EEPD1: variants seen among roughly 807,000 people sequenced by gnomAD.
The protein encoded by EEPD1 is endonuclease/exonuclease/phosphatase family domain-containing protein 1.
In EEPD1, 17 loss-of-function variants were observed where a neutral mutation model predicts 46.3. The observed-to-expected ratio is 0.37, with a 90% CI of 0.25 to 0.55. The LOEUF (loss-of-function observed/expected upper bound fraction) is 0.55, where lower values mean the gene tolerates loss of function less well. Ranked by LOEUF, EEPD1 falls within the 20% of genes least tolerant of loss-of-function variation. The probability of loss-of-function intolerance (pLI) is 0.83; values close to 1 mark genes in which losing one functional copy is unlikely to be tolerated. For synonymous variants in EEPD1, 313 were observed against 315.6 expected (o/e 0.99, Z 0.09); for missense variants, 673 against 745.6 (o/e 0.90, Z 1.13).
chr7:36,179,568 T>TA (rs1055014790), intron 2 of EEPD1, among the ~76,000 whole-genome samples: 4 of 148,226 alleles, frequency 2.7e-5, no homozygotes, highest in South Asian at 4.4e-4. Context: ...GTCTTAAAAA[T>TA]AAAAAAAAGA....
intron 2 of EEPD1, among the ~76,000 whole-genome samples, chr7:36,202,959 C>T (rs1266976208): frequency 1.3e-5 from 2 of 152,186 alleles, no homozygotes; most frequent in African/African-American, 2.4e-5. Flanking sequence ...ACAGGCAGGG[C>T]GGAGGTCATG....
chr7:36,200,829 A>T (rs1386277396), intron 2 of EEPD1, among the ~76,000 whole-genome samples: 1 of 152,212 alleles, frequency 6.6e-6, no homozygotes, highest in Admixed American at 6.5e-5. Flanking sequence ...AGTAGCTCTC[A>T]AACATGAGCA....
intron 6 of EEPD1, among the ~76,000 whole-genome samples, chr7:36,296,694 C>CTTTTTTTTTTTTTTT (rs60706978): frequency 2.4e-5 from 2 of 83,154 alleles, no homozygotes; most frequent in Admixed American, 1.5e-4. Flanking sequence ...ACCCTTAGGT[C>CTTTTTTTTTTTTTTT]TTTTTTTTTT....
intron 3 of EEPD1, among the ~76,000 whole-genome samples, chr7:36,248,935 C>G (rs1196265764): frequency 6.7e-6 from 1 of 149,828 alleles, no homozygotes; most frequent in Non-Finnish European, 1.5e-5. Flanking sequence ...CCACCCAGGA[C>G]CTCGCTGCCG....
intron 2 of EEPD1, among the ~76,000 whole-genome samples, chr7:36,207,322 G>A (rs1294937041): frequency 3.3e-5 from 5 of 152,182 alleles, no homozygotes; most frequent in Non-Finnish European, 7.3e-5. Flanking sequence ...TCAAAGGAGG[G>A]ATATTTGATT....
chr7:36,280,753 T>C (rs930790490), intron 3 of EEPD1, among the ~76,000 whole-genome samples: 1 of 152,232 alleles, frequency 6.6e-6, no homozygotes, highest in Non-Finnish European at 1.5e-5. Context: ...GATTTGACGC[T>C]GATCCAGATC....
chr7:36,263,565 G>A (rs917608705), intron 3 of EEPD1, among the ~76,000 whole-genome samples: 2 of 152,148 alleles, frequency 1.3e-5, no homozygotes, highest in African/African-American at 4.8e-5. Context: ...GGATCTTCAG[G>A]GGTCAGAAGT....
chr7:36,173,015 T>C (rs974988875), intron 2 of EEPD1, among the ~76,000 whole-genome samples: 1 of 152,102 alleles, frequency 6.6e-6, no homozygotes, highest in Non-Finnish European at 1.5e-5. Context: ...ACCCAGCTAG[T>C]GTCTGATGCT....
rs181068856 is a variant in EEPD1, at chr7:36,163,609, G to A, written c.878+8407G>A. On this transcript the variant is annotated intron_variant, in intron 2 of 7. Transcript: ENST00000242108. ...AGCTCTTCTGTTCAGGCTGGGCGCG[G>A]TGGCTCATGCCTGTAATCCCAGCAC... Among the ~76,000 whole-genome samples, 288 of 152,332 alleles carry A rather than the reference G, an allele frequency of 1.9e-3. 2 individuals are homozygous for A. Among genetic ancestry groups the A allele is most frequent in the Admixed American group, 3.5e-3 (53 of 15,310 alleles).
intron 2 of EEPD1, among the ~76,000 whole-genome samples, chr7:36,237,331 A>C (rs540731686): frequency 5.9e-5 from 9 of 152,156 alleles, no homozygotes; most frequent in Non-Finnish European, 1.0e-4. Flanking sequence ...TTCTGGACAC[A>C]TTGTGATGTT....
chr7:36,237,579 G>A (rs1455304296), intron 2 of EEPD1, among the ~76,000 whole-genome samples: 2 of 152,174 alleles, frequency 1.3e-5, no homozygotes. Context: ...GAGGGTTCTT[G>A]GACCTTGTGC....
intron 2 of EEPD1, among the ~76,000 whole-genome samples, chr7:36,235,532 C>T (rs1470255454): frequency 6.6e-6 from 1 of 152,272 alleles, no homozygotes; most frequent in African/African-American, 2.4e-5. Flanking sequence ...CCCTCTGCAT[C>T]TCTGTGTGCC....
intron 6 of EEPD1, among the ~76,000 whole-genome samples, chr7:36,288,335 G>A (rs187012380): frequency 6.6e-6 from 1 of 152,228 alleles, no homozygotes; most frequent in African/African-American, 2.4e-5. Context: ...TCTGATGGGG[G>A]ACAGTACTCA....
intron 7 of EEPD1, 149 bp from the exon 8 acceptor site, chr7:36,298,858 T>A: frequency 1.2e-6 from 1 of 829,272 alleles, no homozygotes. Context: ...CACAGGCAAA[T>A]GCACAGGCAC....
chr7:36,225,712 C>T lies in EEPD1; in HGVS notation c.879-13273C>T, dbSNP rs1029819597. On this transcript the variant is annotated intron_variant, in intron 2 of 7. Coordinates refer to ENST00000242108, the MANE Select transcript of EEPD1 (RefSeq NM_030636.3). The surrounding 1 kb of genome is among the most constrained non-coding windows in gnomAD (Gnocchi z 4.2). ...TTGGCTCTATTCCCAGGCCCCATAACACCAACCTACGTGTGGAGCCTGAGA... is the reference window on the plus strand; with the variant it reads ...TTGGCTCTATTCCCAGGCCCCATAATACCAACCTACGTGTGGAGCCTGAGA... Among the ~76,000 whole-genome samples, 5 of 152,166 alleles carry T rather than the reference C, an allele frequency of 3.3e-5. No individual in the cohort carries two copies. Among genetic ancestry groups the T allele is most frequent in the Admixed American group, 2.0e-4 (3 of 15,272 alleles).
chr7:36,191,631 GAGAGAAGAAGGCTCAGACTGGGAAT>G (rs1490033857), intron 2 of EEPD1, among the ~76,000 whole-genome samples: 1 of 152,206 alleles, frequency 6.6e-6, no homozygotes, highest in East Asian at 1.9e-4. Context: ...CACAGAAGAA[GAGAGAAGAAGGCTCAGACTGGGAAT>G]GATTCAGTGA....
chr7:36,232,825 T>G (rs555544943), intron 2 of EEPD1, among the ~76,000 whole-genome samples: 1 of 152,052 alleles, frequency 6.6e-6, no homozygotes, highest in African/African-American at 2.4e-5. Context: ...AGGTTTTGAC[T>G]TAAATCAGAG....
At chr7:36,242,016 G>A (rs1786561453) in intron 3 of EEPD1, among the ~76,000 whole-genome samples, 1 of 152,202 alleles carries the variant, frequency 6.6e-6, no homozygotes, top group Non-Finnish European at 1.5e-5. Flanking sequence ...GGCTGGTGGC[G>A]GAGCCAGTTG....
At chr7:36,240,149 G>T (rs1014996078) in intron 3 of EEPD1, among the ~76,000 whole-genome samples, 5 of 152,064 alleles carry the variant, frequency 3.3e-5, no homozygotes, top group African/African-American at 9.7e-5. Flanking sequence ...CACACCTGCG[G>T]TCCCAATTCC....
Sources: gnomAD v4.1 joint callset for allele counts (sites outside exome capture counted in the v4.1 genomes callset) on GRCh38, gnomAD v4.1.1 for gene constraint, Gnocchi (gnomAD v3.1) non-coding constraint, MANE v1.5 for transcripts, NCBI Gene and HGNC (gene_info 2026-07-23, HGNC 2026-07-21) for gene names.